MAP4K5: variants seen among roughly 807,000 people sequenced by gnomAD.
The protein encoded by MAP4K5 is MAPK/ERK kinase kinase kinase 5.
In MAP4K5, 82 loss-of-function variants were observed where a neutral mutation model predicts 135.6. The observed-to-expected ratio is 0.60, with a 90% CI of 0.51 to 0.73. MAP4K5 has a LOEUF of 0.73. Ranked by LOEUF, MAP4K5 falls within the 30% of genes least tolerant of loss-of-function variation. MAP4K5 has a pLI of 0.00. For synonymous variants in MAP4K5, 347 were observed against 335.0 expected, an observed-to-expected ratio of 1.04 and a Z score of -0.39; for missense variants, 907 against 1,010.9, an observed-to-expected ratio of 0.90 and a Z score of 1.39.
intron 13 of MAP4K5, 84 bp downstream of exon 13, chr14:50,462,581 C>A: frequency 1.2e-6 from 1 of 851,712 alleles, no homozygotes; most frequent in Non-Finnish European, 1.9e-6. Context: ...AAAAGATAGA[C>A]TCAGAAAACA....
chr14:50,470,577 A>G (rs1452796054), intron 9 of MAP4K5, among the ~76,000 whole-genome samples: 3 of 152,038 alleles, frequency 2.0e-5, no homozygotes, highest in African/African-American at 7.2e-5. Flanking sequence ...GAATATATGA[A>G]AAAATATGGA....
intron 9 of MAP4K5, among the ~76,000 whole-genome samples, chr14:50,469,022 T>C (rs1016331780): frequency 3.9e-5 from 6 of 152,294 alleles, no homozygotes; most frequent in African/African-American, 1.4e-4. Flanking sequence ...AAAAATCTTG[T>C]TTTAGTTTGG....
chr14:50,551,443 C>T (rs1437528357), intron 1 of MAP4K5, among the ~76,000 whole-genome samples: 1 of 151,918 alleles, frequency 6.6e-6, no homozygotes, highest in Non-Finnish European at 1.5e-5. Flanking sequence ...TTGTATCAGA[C>T]ATTCAAAGAA....
chr14:50,480,158 G>A (rs148031550), intron 6 of MAP4K5, among the ~76,000 whole-genome samples: 2 of 148,502 alleles, frequency 1.3e-5, no homozygotes, highest in African/African-American at 4.9e-5. Flanking sequence ...CTTCATATTG[G>A]TTTTTTTTTT....
chr14:50,511,885 A>C (rs1036402671), intron 2 of MAP4K5, among the ~76,000 whole-genome samples: 1 of 152,150 alleles, frequency 6.6e-6, no homozygotes, highest in Non-Finnish European at 1.5e-5. Flanking sequence ...TCTGGGGTTT[A>C]GGGGAGGAAG....
upstream of MAP4K5, among the ~76,000 whole-genome samples, chr14:50,536,602 A>G (rs2038496403): frequency 6.6e-6 from 1 of 152,186 alleles, no homozygotes; most frequent in South Asian, 2.1e-4. Flanking sequence ...AACTTCCTAG[A>G]GGCTTGTTGA....
At chr14:50,466,768 T>C (rs1319125244) in intron 10 of MAP4K5, 123 bp from the exon 11 acceptor site, 3 of 503,324 alleles carry the variant, frequency 6.0e-6, no homozygotes, top group Non-Finnish European at 7.2e-6. Flanking sequence ...AAAACTACTA[T>C]GGGATATAGA....
At chr14:50,480,898 A>G (rs565611501) in intron 6 of MAP4K5, among the ~76,000 whole-genome samples, 1 of 152,328 alleles carries the variant, frequency 6.6e-6, no homozygotes, top group South Asian at 2.1e-4. Flanking sequence ...CTAAGCATAG[A>G]AAAGGTACAG....
At chr14:50,539,347 G>A (rs2038533254) in intron 2 of MAP4K5, among the ~76,000 whole-genome samples, 1 of 152,216 alleles carries the variant, frequency 6.6e-6, no homozygotes, top group African/African-American at 2.4e-5. Flanking sequence ...GACTGCTTCT[G>A]TGAGAGTACA....
intron 13 of MAP4K5, 133 bp downstream of exon 13, chr14:50,462,532 A>G: frequency 1.6e-6 from 1 of 642,156 alleles, no homozygotes. Flanking sequence ...TGTAGTTTAC[A>G]TTATTAATCT....
chr14:50,482,316 A>G, intron 6 of MAP4K5, 45 bp downstream of exon 6: 1 of 1,159,474 alleles, frequency 8.6e-7, no homozygotes, highest in Non-Finnish European at 1.2e-6. Context: ...TTAAGAAAAT[A>G]TTGCCTAGAA....
chr14:50,514,149 C>T (rs1161640970), intron 2 of MAP4K5, among the ~76,000 whole-genome samples: 1 of 152,140 alleles, frequency 6.6e-6, no homozygotes, highest in Admixed American at 6.5e-5. Context: ...GTGATCTCAG[C>T]TCACTGCAGC....
At chr14:50,454,039 C>G (rs1445028172) in intron 14 of MAP4K5, among the ~76,000 whole-genome samples, 1 of 152,118 alleles carries the variant, frequency 6.6e-6, no homozygotes, top group Admixed American at 6.6e-5. Context: ...AAATGCTCAT[C>G]AACAGAAGAA....
chr14:50,456,410 GAAGT>G, intron 14 of MAP4K5, 102 bp downstream of exon 14: 1 of 809,200 alleles, frequency 1.2e-6, no homozygotes, highest in South Asian at 1.5e-5. Context: ...CTGATATGTT[GAAGT>G]ATGTAGCCTT....
rs1341468622 is a variant in MAP4K5, at chr14:50,532,168, G to A, written c.-109-10C>T. ...CCGCCCGCAGCTCCGTCTGCACGAG[G>A]GACGAGCAAAGGCTGGTTGGCGTCG... On this transcript the variant is annotated splice_polypyrimidine_tract_variant and intron_variant, in intron 1 of 32. Coordinates refer to ENST00000682126, the MANE Select transcript of MAP4K5 (RefSeq NM_006575.6). 7 of 668,562 alleles carry A rather than the reference G, an allele frequency of 1.0e-5. No individual in the cohort carries two copies. Among genetic ancestry groups the A allele is most frequent in the East Asian group, 8.4e-5 (3 of 35,766 alleles). 41.4% of individuals were successfully genotyped at this position (668,562 alleles called of 1,614,324 possible). A position where few individuals can be genotyped will look rare whatever the true frequency, so the allele number is the denominator to read the frequency against.
At chr14:50,535,935 C>G (rs571694267), upstream of MAP4K5, among the ~76,000 whole-genome samples, 1 of 152,170 alleles carries the variant, frequency 6.6e-6, no homozygotes, top group South Asian at 2.1e-4. Context: ...ATAACTCTCA[C>G]GAGACCTGAT....
intron 18 of MAP4K5, among the ~76,000 whole-genome samples, chr14:50,444,389 T>A (rs955039360): frequency 7.2e-5 from 11 of 152,182 alleles, no homozygotes; most frequent in African/African-American, 2.7e-4. Flanking sequence ...ATAGACTGCA[T>A]AATTCAGATT....
In MAP4K5 at chr14:50,429,192, T is replaced by G. The variant is rs2035916561; in HGVS notation, c.2233A>C (p.Lys745Gln). The G allele has an allele frequency of 3.3e-6, 5 of 1,521,532 alleles. No homozygotes were observed. The highest frequency in any genetic ancestry group is 4.5e-6 in the Non-Finnish European group (5 of 1,123,578). 94.3% of individuals were successfully genotyped at this position (1,521,532 alleles called of 1,614,324 possible). A position where few individuals can be genotyped will look rare whatever the true frequency, so the allele number is the denominator to read the frequency against. Residue 745 changes from lysine to glutamine, a missense_variant and splice_region_variant, in exon 29 of 33, where the codon AAA becomes CAA. Around this residue, in one of 3 missense-constraint regions of MAP4K5, gnomAD observed 690 missense variants for 777.4 expected, o/e 0.89. Coordinates refer to ENST00000682126, the MANE Select transcript of MAP4K5 (RefSeq NM_006575.6). ...AAATAAAATTAAAAATAGTACTTACTGTCTAAACACACTAAAACGGTATCT... is the reference window on the plus strand; with the variant it reads ...AAATAAAATTAAAAATAGTACTTACGGTCTAAACACACTAAAACGGTATCT... ...ERDTVLVCLD[K>Q]FVKIVNLQGK... is the part of the protein sequence containing the mutation.
chr14:50,467,767 A>T (rs1267509159), intron 10 of MAP4K5, among the ~76,000 whole-genome samples: 1 of 152,138 alleles, frequency 6.6e-6, no homozygotes, highest in Admixed American at 6.5e-5. Context: ...TCAGCATTCT[A>T]GCTAAAAGTA....
Sources: allele counts gnomAD v4.1 joint callset (sites outside exome capture counted in the v4.1 genomes callset), GRCh38; gene constraint gnomAD v4.1.1; regional missense constraint gnomAD v4.1.1; transcripts MANE v1.5; gene names NCBI Gene and HGNC (gene_info 2026-07-23, HGNC 2026-07-21).